The following AAK1 variants were observed in gnomAD, a reference collection of about 807,000 sequenced individuals.
AAK1 encodes the protein AP2-associated protein kinase 1.
In AAK1, 37 loss-of-function variants were observed where a neutral mutation model predicts 116.0. The ratio of observed to expected loss-of-function variants is 0.32; its 90% confidence interval spans 0.25 to 0.42. The LOEUF is 0.42. AAK1 is among the 10% of genes least tolerant of loss of function. The pLI, the probability that AAK1 is intolerant of heterozygous loss-of-function variation, is 1.00. For missense variants in AAK1, 919 were observed against 1,170.6 expected (o/e 0.79, Z 3.14); for synonymous variants, 458 against 439.9 (o/e 1.04, Z -0.51).
At position 69,551,716 on chromosome 2, in the gene AAK1, G is replaced by T. The variant is rs115039226; in HGVS notation, c.282+5144C>A. 7.5e-3 allele frequency among the ~76,000 whole-genome samples: 1,141 copies of T among 152,242 alleles called. 7 individuals carry two copies. Among genetic ancestry groups the T allele is most frequent in the Non-Finnish European group, 0.011 (766 of 68,016 alleles). On this transcript the variant is annotated intron_variant, in intron 3 of 21. Transcript: ENST00000409085. ...GTCTGAAGATAATTAATCTTTTCCT[G>T]CTTTCAGGCAAAGGGATCAGAAGTC... is the stretch of plus-strand genomic sequence containing the variant.
rs868195399 is a variant in AAK1, at chr2:69,505,512, A to T, written c.2269+57T>A. ...ATGCTAGAGTTATCTGTGGAGTAAAAAACAGTGTGAAGGTAACAACAGTGA... is the reference window on the plus strand; with the variant it reads ...ATGCTAGAGTTATCTGTGGAGTAAATAACAGTGTGAAGGTAACAACAGTGA... On this transcript the variant is annotated intron_variant, in intron 16 of 21. Coordinates refer to ENST00000409085, the MANE Select transcript of AAK1 (RefSeq NM_014911.5). 19 of 1,426,998 alleles carry T rather than the reference A, an allele frequency of 1.3e-5. No homozygotes were observed. The Middle Eastern group carries it at 2.6e-3, about 197-fold the overall frequency. 88.4% of individuals were successfully genotyped at this position (1,426,998 alleles called of 1,614,324 possible). A position where few individuals can be genotyped will look rare whatever the true frequency, so the allele number is the denominator to read the frequency against.
chr2:69,503,336 TAA>T (rs2104953162), intron 16 of AAK1, among the ~76,000 whole-genome samples: 1 of 152,326 alleles, frequency 6.6e-6, no homozygotes, highest in Non-Finnish European at 1.5e-5. Context: ...TCAGTATAAT[TAA>T]AAAGATCACT....
chr2:69,616,645 T>G (rs1674343054), intron 2 of AAK1, among the ~76,000 whole-genome samples: 2 of 152,202 alleles, frequency 1.3e-5, no homozygotes, highest in Non-Finnish European at 2.9e-5. Context: ...ATTCGTTTGA[T>G]GCCTGTAATA....
At chr2:69,506,416 T>C (rs1448257352) in intron 15 of AAK1, among the ~76,000 whole-genome samples, 2 of 152,180 alleles carry the variant, frequency 1.3e-5, no homozygotes, top group Non-Finnish European at 2.9e-5. Flanking sequence ...CAGGCTAGAG[T>C]GCAGTGGTAA....
At chr2:69,628,347 C>T (rs1675004247) in intron 2 of AAK1, among the ~76,000 whole-genome samples, 1 of 151,970 alleles carries the variant, frequency 6.6e-6, no homozygotes, top group African/African-American at 2.4e-5. Flanking sequence ...CTCATCAACC[C>T]AATCTCATTC....
At chr2:69,562,393 T>C (rs966482358) in intron 2 of AAK1, among the ~76,000 whole-genome samples, 1 of 152,238 alleles carries the variant, frequency 6.6e-6, no homozygotes, top group East Asian at 1.9e-4. Context: ...TTAATAAGCA[T>C]AGGATCATGG....
intron 15 of AAK1, among the ~76,000 whole-genome samples, chr2:69,506,874 G>GTGTGTA (rs1295775791): frequency 6.7e-6 from 1 of 149,504 alleles, no homozygotes; most frequent in East Asian, 2.0e-4. Context: ...GTGCCTGTGT[G>GTGTGTA]TGTGTGTGTG....
intron 13 of AAK1, among the ~76,000 whole-genome samples, chr2:69,513,396 T>G (rs1184052129): frequency 6.6e-6 from 1 of 152,060 alleles, no homozygotes; most frequent in African/African-American, 2.4e-5. Flanking sequence ...CTCCACTCAC[T>G]GCAAGCTCCA....
chr2:69,469,324 G>C lies in AAK1; in HGVS notation c.*6545C>G. ...GCAGCACCAGAAACAAGGTAGTCGA[G>C]AGAAGGATAAATTCCAAATATACTA... is the stretch of plus-strand genomic sequence containing the variant. On this transcript the variant is annotated 3_prime_UTR_variant, in exon 22 of 22. Coordinates refer to ENST00000409085, the MANE Select transcript of AAK1 (RefSeq NM_014911.5). 7 of 985,446 alleles carry C rather than the reference G, an allele frequency of 7.1e-6. No individual in the cohort carries two copies. Among genetic ancestry groups the C allele is most frequent in the Non-Finnish European group, 8.4e-6 (7 of 829,940 alleles). The allele number at this position is 985,446 out of a possible 1,614,324, so 61.0% of individuals were successfully genotyped here.
intron 2 of AAK1, among the ~76,000 whole-genome samples, chr2:69,616,779 A>G (rs1674348972): frequency 6.6e-6 from 1 of 152,228 alleles, no homozygotes; most frequent in Non-Finnish European, 1.5e-5. Context: ...AGCAATTATC[A>G]AAAATTTCTT....
rs773847459 is a variant in AAK1 at position 69,465,869 on chromosome 2, A to T, written c.*10000T>A. The T allele has an allele frequency of 1.5e-6, 2 of 1,290,756 alleles. No homozygotes were observed. The highest frequency in any genetic ancestry group is 2.0e-6 in the Non-Finnish European group (2 of 988,844). 80.0% of individuals were successfully genotyped at this position (1,290,756 alleles called of 1,614,324 possible). A position where few individuals can be genotyped will look rare whatever the true frequency, so the allele number is the denominator to read the frequency against. The stretch of plus-strand genomic sequence containing the variant: ...GGACAGAGGTGTACACAGCTCTCTC[A>T]CGGCCCGCGGGCAGGGGGACATCAC... On this transcript the variant is annotated 3_prime_UTR_variant, in exon 22 of 22. Transcript: ENST00000409085.
Position 69,514,458 on chromosome 2 carries a change from G to A in AAK1, c.1776+13C>T. 6.5e-7 allele frequency: 1 copy of A among 1,531,366 alleles called. No homozygotes were observed. The allele number at this position is 1,531,366 out of a possible 1,614,324, so 94.9% of individuals were successfully genotyped here. A position where few individuals can be genotyped will look rare whatever the true frequency, so the allele number is the denominator to read the frequency against. ...CTGCTGCTTTTGTGCTCTGAGCTCT[G>A]GTTGATTCTTACCGCTGGCTCCTGG... On this transcript the variant is annotated intron_variant, in intron 13 of 21. Coordinates refer to ENST00000409085, the MANE Select transcript of AAK1 (RefSeq NM_014911.5).
rs898610298 is a variant in AAK1, at chr2:69,465,527, C to T, written c.*10342G>A. 7 of 1,290,782 alleles carry T rather than the reference C, an allele frequency of 5.4e-6. No homozygotes were observed. The South Asian group carries it at 7.4e-5, about 14-fold the overall frequency. 80.0% of individuals were successfully genotyped at this position (1,290,782 alleles called of 1,614,324 possible). On this transcript the variant is annotated 3_prime_UTR_variant, in exon 22 of 22. Coordinates refer to ENST00000409085, the MANE Select transcript of AAK1 (RefSeq NM_014911.5). ...AGGAAAGGGATGTGATAGAAACAGA[C>T]CCAGCTATCGACTGCTTGTTGGTTT... is the stretch of plus-strand genomic sequence containing the variant.
chr2:69,493,533 C>CT (rs1408036031), intron 17 of AAK1, among the ~76,000 whole-genome samples: 1 of 152,152 alleles, frequency 6.6e-6, no homozygotes, highest in Non-Finnish European at 1.5e-5. Context: ...CACCTAAAGG[C>CT]TTCCAGCTTC....
rs1260849047 is a variant in AAK1, at chr2:69,508,000, T to A, written c.2007-422A>T. 3.3e-5 allele frequency among the ~76,000 whole-genome samples: 5 copies of A among 152,134 alleles called. No homozygotes were observed. In the South Asian group the frequency reaches 8.3e-4, roughly 25 times the overall value. On this transcript the variant is annotated intron_variant, in intron 14 of 21. Transcript: ENST00000409085. ...AGGATTACAGGCGTGAGCCACTGCA[T>A]CCAGCCCACAGTGTTTTCCTAAAAG... is the stretch of plus-strand genomic sequence containing the variant.
chr2:69,576,772 G>GA (rs1355003979), intron 2 of AAK1, among the ~76,000 whole-genome samples: 1 of 152,066 alleles, frequency 6.6e-6, no homozygotes, highest in African/African-American at 2.4e-5. Flanking sequence ...TATATGCCTA[G>GA]AAAAAAATGG....
chr2:69,641,943 G>A (rs576553231), intron 2 of AAK1, among the ~76,000 whole-genome samples: 1 of 152,078 alleles, frequency 6.6e-6, no homozygotes, highest in Non-Finnish European at 1.5e-5. Context: ...GGAAATTGCT[G>A]CTTTTATTAA....
At chr2:69,630,427 T>C (rs1675125155) in intron 2 of AAK1, among the ~76,000 whole-genome samples, 2 of 151,574 alleles carry the variant, frequency 1.3e-5, no homozygotes, top group African/African-American at 4.9e-5. Context: ...CACCAGGTTA[T>C]ATACATAGTG....
chr2:69,525,706 GCCTCATGAGGGAGCA>G (rs1669993960), intron 9 of AAK1, among the ~76,000 whole-genome samples: 2 of 152,254 alleles, frequency 1.3e-5, no homozygotes, highest in South Asian at 4.1e-4. Context: ...ATCTAATAAT[GCCTCATGAGGGAGCA>G]CCAACTAGCT....
Sources: allele counts gnomAD v4.1 joint callset (sites outside exome capture counted in the v4.1 genomes callset), GRCh38; gene constraint gnomAD v4.1.1; transcripts MANE v1.5; gene names NCBI Gene and HGNC (gene_info 2026-07-23, HGNC 2026-07-21).